Variants in NRG2 observed in about 807,000 individuals in gnomAD.
NRG2 encodes the protein pro-neuregulin-2, membrane-bound isoform.
NRG2 carries 27 observed loss-of-function variants against 73.9 expected under a neutral mutation model. That is an observed-to-expected ratio of 0.37 (90% CI 0.27 to 0.50). NRG2 has a LOEUF of 0.50. Ranked by LOEUF, NRG2 falls within the 20% of genes least tolerant of loss-of-function variation. NRG2 has a pLI of 0.96. For missense variants in NRG2, 1,126 were observed against 1,210.1 expected (o/e 0.93, Z 1.03); for synonymous variants, 532 against 541.0 (o/e 0.98, Z 0.23).
Position 139,865,020 on chromosome 5 carries a change from A to G in NRG2, c.1189+529T>C. ...CTAAGGAGCGCAGGACACCCTCTAC[A>G]TCTCCCCCTAGTCTTGCTAAGCAAG... On this transcript the variant is annotated intron_variant, in intron 5 of 9. Coordinates refer to ENST00000361474, the MANE Select transcript of NRG2 (RefSeq NM_004883.3). This position sits in a 1 kb window ranked among gnomAD's most constrained non-coding sequence, Gnocchi z 5.2. The G allele has an allele frequency of 1.9e-6, 2 of 1,059,946 alleles. No individual in the cohort carries two copies. Among genetic ancestry groups the G allele is most frequent in the Non-Finnish European group, 3.0e-6 (2 of 676,046 alleles). 65.7% of individuals were successfully genotyped at this position (1,059,946 alleles called of 1,614,324 possible). A position where few individuals can be genotyped will look rare whatever the true frequency, so the allele number is the denominator to read the frequency against.
intron 3 of NRG2, among the ~76,000 whole-genome samples, chr5:139,879,084 T>A (rs1763366556): frequency 6.6e-6 from 1 of 152,164 alleles, no homozygotes; most frequent in Non-Finnish European, 1.5e-5. Context: ...ATATTTAATC[T>A]CCCTGAGCTT....
chr5:139,973,957 G>C (rs867923667), intron 1 of NRG2, among the ~76,000 whole-genome samples: 2 of 152,244 alleles, frequency 1.3e-5, no homozygotes, highest in African/African-American at 4.8e-5. Flanking sequence ...CTTTAGTTTT[G>C]TTGCTGGGTA....
intron 1 of NRG2, among the ~76,000 whole-genome samples, chr5:139,942,032 A>G (rs1259411447): frequency 3.3e-5 from 5 of 152,220 alleles, no homozygotes; most frequent in Non-Finnish European, 5.9e-5. Context: ...ATTATCCAAA[A>G]TCATTTAGTA....
intron 1 of NRG2, among the ~76,000 whole-genome samples, chr5:139,911,583 G>A (rs1750824739): frequency 2.0e-5 from 3 of 152,240 alleles, no homozygotes; most frequent in Admixed American, 6.5e-5. Context: ...CATGGTACCA[G>A]GCCCTGCTGC....
intron 1 of NRG2, among the ~76,000 whole-genome samples, chr5:139,889,650 C>T (rs564220644): frequency 1.5e-4 from 23 of 152,312 alleles, no homozygotes; most frequent in Middle Eastern, 3.4e-3. Flanking sequence ...GCCCCCTCCC[C>T]CTTCCCATTA....
chr5:139,855,759 C>G lies in NRG2; in HGVS notation c.1209G>C (p.Gln403His), dbSNP rs1280157151. 1 of 1,614,044 alleles carries G rather than the reference C, an allele frequency of 6.2e-7. No homozygotes were observed. Among genetic ancestry groups the G allele is most frequent in the Admixed American group, 1.7e-5 (1 of 60,024 alleles). ...DPKQKAEELYQKRVLTITGIC... is the reference protein window; with the variant it reads ...DPKQKAEELYHKRVLTITGIC... ...TGCCCGTGATGGTCAGGACCCTCTT[C>G]TGGTACAGCTCCTCGGCTTCTGCAG... Residue 403 changes from glutamine (Q) to histidine (H), a missense_variant, in exon 6 of 10, where the codon CAG becomes CAC. Physicochemically the swap from Gln to His is conservative, Grantham distance 24. Coordinates refer to ENST00000361474, the MANE Select transcript of NRG2 (RefSeq NM_004883.3).
chr5:139,931,606 T>C (rs1752473775), intron 1 of NRG2, among the ~76,000 whole-genome samples: 5 of 152,138 alleles, frequency 3.3e-5, no homozygotes, highest in Admixed American at 3.3e-4. Context: ...AGATAAAGAA[T>C]TCAAAGGATT....
At position 140,043,241 on chromosome 5, in the gene NRG2, A is replaced by T. The variant is rs1762113512; in HGVS notation, c.-172T>A. On this transcript the variant is annotated 5_prime_UTR_variant, in exon 1 of 10. Transcript: ENST00000361474. This position sits in a 1 kb window ranked among gnomAD's most constrained non-coding sequence, Gnocchi z 6.7. ...GGGGGCAGGCGGCAAGCGGGCCGCGATGCGCAGCGCGGCGCAGCGCAGCGC... is the reference window on the plus strand; with the variant it reads ...GGGGGCAGGCGGCAAGCGGGCCGCGTTGCGCAGCGCGGCGCAGCGCAGCGC... The T allele has an allele frequency of 4.6e-6, 3 of 649,190 alleles. No homozygotes were observed. Among genetic ancestry groups the T allele is most frequent in the East Asian group, 6.5e-5 (2 of 30,946 alleles). The allele number at this position is 649,190 out of a possible 1,614,324, so 40.2% of individuals were successfully genotyped here. A position where few individuals can be genotyped will look rare whatever the true frequency, so the allele number is the denominator to read the frequency against.
chr5:139,926,306 T>C (rs1378333775), intron 1 of NRG2, among the ~76,000 whole-genome samples: 1 of 152,222 alleles, frequency 6.6e-6, no homozygotes, highest in East Asian at 1.9e-4. Context: ...GAGCTTGGTG[T>C]GGATGCTGAC....
chr5:139,899,731 G>A (rs1764757221), intron 1 of NRG2, among the ~76,000 whole-genome samples: 1 of 152,188 alleles, frequency 6.6e-6, no homozygotes, highest in African/African-American at 2.4e-5. Flanking sequence ...GTAGATATCT[G>A]ACCAGTTGAT....
At chr5:139,878,457 C>T (rs549200048) in intron 3 of NRG2, among the ~76,000 whole-genome samples, 3 of 152,238 alleles carry the variant, frequency 2.0e-5, no homozygotes, top group Non-Finnish European at 2.9e-5. Flanking sequence ...CTCCTCTTCC[C>T]ACCCCACTCC....
intron 1 of NRG2, among the ~76,000 whole-genome samples, chr5:139,936,063 C>T (rs558266648): frequency 2.0e-5 from 3 of 150,850 alleles, no homozygotes; most frequent in South Asian, 4.2e-4. Context: ...TAGAATTAAA[C>T]TCTTATATGA....
chr5:140,015,233 T>C lies in NRG2; in HGVS notation c.700+27137A>G, dbSNP rs1045553308. On this transcript the variant is annotated intron_variant, in intron 1 of 9. Transcript: ENST00000361474. ...TTTATTATGTATATTATTGGTCGCTTACTACCAGAAAGTAAATTCCATGAG... is the reference window on the plus strand; with the variant it reads ...TTTATTATGTATATTATTGGTCGCTCACTACCAGAAAGTAAATTCCATGAG... 4.6e-5 allele frequency among the ~76,000 whole-genome samples: 7 copies of C among 152,216 alleles called. No homozygotes were observed. The South Asian group carries it at 1.4e-3, about 32-fold the overall frequency.
At chr5:140,005,257 T>A (rs1165301513) in intron 1 of NRG2, among the ~76,000 whole-genome samples, 2 of 152,164 alleles carry the variant, frequency 1.3e-5, no homozygotes, top group Admixed American at 1.3e-4. Flanking sequence ...TGATAATAGG[T>A]CTGACATTGC....
chr5:139,974,271 T>C (rs1172532305), intron 1 of NRG2, among the ~76,000 whole-genome samples: 2 of 151,076 alleles, frequency 1.3e-5, no homozygotes, highest in Non-Finnish European at 1.5e-5. Context: ...CAAAAGGCTA[T>C]GATGTGACAA....
At chr5:140,012,935 A>C (rs1416165855) in intron 1 of NRG2, among the ~76,000 whole-genome samples, 1 of 152,144 alleles carries the variant, frequency 6.6e-6, no homozygotes, top group Non-Finnish European at 1.5e-5. Flanking sequence ...TCTCACTTTA[A>C]ATTCATATCC....
chr5:139,919,824 T>G (rs1465761122), intron 1 of NRG2, among the ~76,000 whole-genome samples: 2 of 152,142 alleles, frequency 1.3e-5, no homozygotes, highest in African/African-American at 4.8e-5. Context: ...GCACAAAGAT[T>G]GTAAATAAAA....
intron 1 of NRG2, among the ~76,000 whole-genome samples, chr5:139,943,216 G>A (rs576371222): frequency 6.6e-5 from 10 of 152,130 alleles, no homozygotes; most frequent in African/African-American, 1.7e-4. Flanking sequence ...GCGCGATCTC[G>A]GCTCACTGCA....
chr5:140,009,567 A>G (rs1286192324), intron 1 of NRG2, among the ~76,000 whole-genome samples: 1 of 152,188 alleles, frequency 6.6e-6, no homozygotes, highest in African/African-American at 2.4e-5. Flanking sequence ...ATTTTGTAAG[A>G]AACTGCCAAA....
Sources: allele counts gnomAD v4.1 joint callset (sites outside exome capture counted in the v4.1 genomes callset), GRCh38; gene constraint gnomAD v4.1.1; non-coding constraint Gnocchi (gnomAD v3.1); transcripts MANE v1.5; gene names NCBI Gene and HGNC (gene_info 2026-07-23, HGNC 2026-07-21).